The following ZNF385D variants were observed in gnomAD, a reference collection of about 807,000 sequenced individuals.
ZNF385D encodes zinc finger protein 385D.
A neutral mutation model predicts 35.8 loss-of-function variants in ZNF385D; 15 were observed. That is an observed-to-expected ratio of 0.42 (90% confidence interval 0.28 to 0.64). The LOEUF (loss-of-function observed/expected upper bound fraction) is 0.64, where lower values mean the gene tolerates loss of function less well. Ranked by LOEUF, ZNF385D falls within the 30% of genes least tolerant of loss-of-function variation. The probability of loss-of-function intolerance (pLI) is 0.23; values close to 1 mark genes in which losing one functional copy is unlikely to be tolerated. For synonymous variants in ZNF385D, 212 were observed against 186.8 expected, an observed-to-expected ratio of 1.13 and a Z score of -1.10; for missense variants, 474 against 494.6, an observed-to-expected ratio of 0.96 and a Z score of 0.39.
intron 3 of ZNF385D, among the ~76,000 whole-genome samples, chr3:22,104,206 G>A (rs1295057537): frequency 1.3e-5 from 2 of 152,014 alleles, no homozygotes; most frequent in East Asian, 3.9e-4. Flanking sequence ...GATTCCAGCA[G>A]GTGCATCTGT....
intron 2 of ZNF385D, among the ~76,000 whole-genome samples, chr3:22,183,694 A>G (rs1176158879): frequency 1.3e-5 from 2 of 151,822 alleles, no homozygotes; most frequent in Non-Finnish European, 2.9e-5. Context: ...TCATTAATAC[A>G]TATATTTTCA....
intron 3 of ZNF385D, among the ~76,000 whole-genome samples, chr3:22,138,570 G>T (rs1704302047): frequency 2.0e-5 from 3 of 151,152 alleles, no homozygotes; most frequent in Admixed American, 2.0e-4. Context: ...ATGGGGAAAG[G>T]ATTCCTTATT....
At chr3:22,133,221 T>A (rs1344853249) in intron 3 of ZNF385D, among the ~76,000 whole-genome samples, 1 of 152,180 alleles carries the variant, frequency 6.6e-6, no homozygotes, top group African/African-American at 2.4e-5. Context: ...TGGGAAATAC[T>A]TCGTATCTTC....
At chr3:22,257,736 C>A (rs1442417059) in intron 2 of ZNF385D, among the ~76,000 whole-genome samples, 1 of 151,770 alleles carries the variant, frequency 6.6e-6, no homozygotes, top group African/African-American at 2.4e-5. Flanking sequence ...CTATCACTTT[C>A]TCAAATTCAA....
intron 2 of ZNF385D, among the ~76,000 whole-genome samples, chr3:22,194,153 G>C (rs1434914267): frequency 1.3e-5 from 2 of 148,550 alleles, no homozygotes; most frequent in Non-Finnish European, 3.0e-5. Flanking sequence ...AATCTCTTAT[G>C]TTTAGTACAT....
chr3:22,234,608 A>C (rs556050079), intron 2 of ZNF385D, among the ~76,000 whole-genome samples: 1 of 150,044 alleles, frequency 6.7e-6, no homozygotes, highest in Admixed American at 6.6e-5. Flanking sequence ...GTGTGTGTCA[A>C]CTCCTTCTGA....
rs892835008 is a variant in ZNF385D, at chr3:22,168,793, GA to G, written c.325+23del. On this transcript the variant is annotated intron_variant, in intron 3 of 5. Coordinates refer to the ZNF385D transcript ENST00000494108. ...ACTTAAATTGATGATGTAAAATTGAGAAAATATTTTTAGAAAAGCTTACCAT... is the reference window on the plus strand; with the variant it reads ...ACTTAAATTGATGATGTAAAATTGAGAAATATTTTTAGAAAAGCTTACCAT... 2.4e-5 allele frequency: 24 copies of G among 983,350 alleles called. No individual in the cohort carries two copies. The African/African-American group carries it at 4.2e-4, about 17-fold the overall frequency. 60.9% of individuals were successfully genotyped at this position (983,350 alleles called of 1,614,324 possible).
intron 3 of ZNF385D, among the ~76,000 whole-genome samples, chr3:21,974,094 A>G (rs1257551415): frequency 1.3e-5 from 2 of 152,224 alleles, no homozygotes; most frequent in East Asian, 1.9e-4. Context: ...TGGAACCACA[A>G]AAGTCCCAGA....
intron 3 of ZNF385D, among the ~76,000 whole-genome samples, chr3:21,957,568 G>A (rs1018003117): frequency 6.6e-5 from 10 of 152,188 alleles, no homozygotes; most frequent in South Asian, 2.1e-4. Context: ...AACTCACATG[G>A]CACAAGCCTA....
chr3:22,072,222 A>C (rs774418911), intron 3 of ZNF385D, among the ~76,000 whole-genome samples: 2 of 152,072 alleles, frequency 1.3e-5, no homozygotes, highest in Non-Finnish European at 2.9e-5. Flanking sequence ...AAAAGGATAG[A>C]ATTTCTTAAT....
intron 2 of ZNF385D, among the ~76,000 whole-genome samples, chr3:22,338,698 ATT>A (rs562729331): frequency 0.069 from 8,582 of 125,160 alleles, 487 homozygotes; most frequent in African/African-American, 0.2. Context: ...TATTCATCTC[ATT>A]TTTTTTTTTT....
intron 3 of ZNF385D, among the ~76,000 whole-genome samples, chr3:21,847,234 G>A (rs1226438745): frequency 6.6e-6 from 1 of 152,014 alleles, no homozygotes. Context: ...GAATAAAAGA[G>A]GTGCTACATG....
intron 3 of ZNF385D, among the ~76,000 whole-genome samples, chr3:21,534,271 G>C (rs2061987685): frequency 6.6e-6 from 1 of 152,008 alleles, no homozygotes; most frequent in African/African-American, 2.4e-5. Flanking sequence ...ATCTGAACTT[G>C]CATTGTAGAC....
chr3:21,811,916 TAAC>T lies in ZNF385D; in HGVS notation c.326-146891_326-146889del, dbSNP rs550293768. ...CAAAACCTGATCCATTGATCAATCT[TAAC>T]AACACACAAATAGAGACAACAGACA... On this transcript the variant is annotated intron_variant, in intron 3 of 5. Transcript: ENST00000494108. 2.1e-3 allele frequency among the ~76,000 whole-genome samples: 326 copies of T among 152,286 alleles called. 1 individual carries two copies. Among genetic ancestry groups the T allele is most frequent in the Non-Finnish European group, 3.7e-3 (255 of 68,016 alleles).
intron 3 of ZNF385D, among the ~76,000 whole-genome samples, chr3:21,822,362 G>A (rs879384812): frequency 3.3e-5 from 5 of 152,198 alleles, no homozygotes; most frequent in Middle Eastern, 3.4e-3. Context: ...GTGAATCACC[G>A]CGCCCAGCCT....
At chr3:21,780,448 A>G (rs1053328258) in intron 3 of ZNF385D, among the ~76,000 whole-genome samples, 1 of 151,960 alleles carries the variant, frequency 6.6e-6, no homozygotes, top group African/African-American at 2.4e-5. Context: ...GTTCTTTCTC[A>G]ATATCTTCCT....
chr3:21,647,631 G>C (rs1407528715), intron 2 of ZNF385D, among the ~76,000 whole-genome samples: 2 of 152,214 alleles, frequency 1.3e-5, no homozygotes, highest in Admixed American at 1.3e-4. Context: ...TTCACTGTAA[G>C]TCTGTTTATT....
chr3:21,916,309 T>C (rs537961060), intron 3 of ZNF385D, among the ~76,000 whole-genome samples: 1 of 152,322 alleles, frequency 6.6e-6, no homozygotes, highest in African/African-American at 2.4e-5. Flanking sequence ...TTTCTGGTAT[T>C]TGAATCTTAT....
chr3:21,598,091 T>A (rs1408626926), intron 2 of ZNF385D, among the ~76,000 whole-genome samples: 2 of 152,172 alleles, frequency 1.3e-5, no homozygotes, highest in African/African-American at 4.8e-5. Flanking sequence ...TTCTAATAAT[T>A]CATAAGCGGT....
Sources: allele counts gnomAD v4.1 joint callset (sites outside exome capture counted in the v4.1 genomes callset), GRCh38; gene constraint gnomAD v4.1.1; transcripts MANE v1.5; gene names NCBI Gene and HGNC (gene_info 2026-07-23, HGNC 2026-07-21).